GLRA2: variants seen among roughly 807,000 people sequenced by gnomAD.
The protein encoded by GLRA2 is glycine receptor alpha 2.
Under a neutral mutation model 31.6 loss-of-function variants are expected in GLRA2, and 11 were observed. The ratio of observed to expected loss-of-function variants is 0.35; its 90% CI spans 0.22 to 0.58. The LOEUF (loss-of-function observed/expected upper bound fraction) is 0.58, where lower values mean the gene tolerates loss of function less well. Among genes scored for constraint, GLRA2 ranks in the 20% least tolerant of loss-of-function variants. The pLI is 0.84. For missense variants in GLRA2, 212 were observed against 351.8 expected (o/e 0.60, Z 3.18); for synonymous variants, 132 against 134.0 (o/e 0.99, Z 0.10).
chrX:14,696,693 C>CTGA (rs1159011319), intron 8 of GLRA2, among the ~76,000 whole-genome samples: 1 of 111,749 alleles, frequency 8.9e-6, no homozygotes, highest in Non-Finnish European at 1.9e-5. Flanking sequence ...GCTTCAGAGA[C>CTGA]GCCAAAGGAT....
At chrX:14,702,586 TATC>T (rs772815866) in intron 8 of GLRA2, among the ~76,000 whole-genome samples, 1 of 111,768 alleles carries the variant, frequency 8.9e-6, no homozygotes, top group African/African-American at 3.3e-5. Context: ...ACAGGTGTCT[TATC>T]ATTGCTGTAA....
intron 8 of GLRA2, among the ~76,000 whole-genome samples, chrX:14,693,217 T>C (rs184685905): frequency 9.0e-6 from 1 of 111,720 alleles, no homozygotes; most frequent in East Asian, 2.8e-4. Flanking sequence ...AACTCAACTT[T>C]AGTCAGCCTC....
At chrX:14,682,502 T>G (rs899839390) in intron 7 of GLRA2, among the ~76,000 whole-genome samples, 1 of 111,575 alleles carries the variant, frequency 9.0e-6, no homozygotes, top group Non-Finnish European at 1.9e-5. Flanking sequence ...GGCCAAATAA[T>G]TGCAAACATT....
At chrX:14,629,420 T>C (rs1405864014) in intron 7 of GLRA2, among the ~76,000 whole-genome samples, 2 of 111,569 alleles carry the variant, frequency 1.8e-5, no homozygotes, top group Non-Finnish European at 3.8e-5. Context: ...GTAGTGCCCA[T>C]CTGAACCAGA....
At chrX:14,709,693 G>A (rs1269351151) in intron 8 of GLRA2, among the ~76,000 whole-genome samples, 1 of 111,971 alleles carries the variant, frequency 8.9e-6, no homozygotes, top group African/African-American at 3.2e-5. Flanking sequence ...ATGGAGCATA[G>A]ACTGTGTTTC....
chrX:14,647,290 A>G (rs368771482), intron 7 of GLRA2, among the ~76,000 whole-genome samples: 8 of 112,355 alleles, frequency 7.1e-5, no homozygotes, highest in African/African-American at 2.3e-4. Flanking sequence ...ACTGATTTCA[A>G]TCATGCTTAT....
chrX:14,698,681 CAAAAAAAAAAAAA>C (rs749925474), intron 8 of GLRA2, among the ~76,000 whole-genome samples: 1 of 21,125 alleles, frequency 4.7e-5, no homozygotes, highest in East Asian at 2.7e-3. Flanking sequence ...CTATCTATCT[CAAAAAAAAAAAAA>C]AAAAAAAAAA....
Position 14,653,143 on chromosome X carries a change from A to AT in GLRA2, c.931-37558dup, listed in dbSNP as rs913916857. Among the ~76,000 whole-genome samples, 29 of 109,630 alleles carry AT rather than the reference A, an allele frequency of 2.6e-4. No homozygotes were observed. The South Asian group carries it at 3.9e-3, about 15-fold the overall frequency. On this transcript the variant is annotated intron_variant, in intron 7 of 8. Coordinates refer to ENST00000218075, the MANE Select transcript of GLRA2 (RefSeq NM_002063.4). ...TATGGAGAGGTACAAGTAGATTAAC[A>AT]TTTTTTTTTAATGCCTGCTAATACA...
At chrX:14,489,516 T>C in the GLRA2 span, among the ~76,000 whole-genome samples, 1 of 111,436 alleles carries the variant, frequency 9.0e-6, no homozygotes, top group Admixed American at 9.4e-5. Context: ...GAGGTAAGAG[T>C]TTATGCTTTC....
the GLRA2 span, among the ~76,000 whole-genome samples, chrX:14,487,387 T>TA: frequency 0.18 from 5,143 of 27,837 alleles, 511 homozygotes; most frequent in Non-Finnish European, 0.21. Flanking sequence ...TGGTTTTCTG[T>TA]AAAAAAAAAA....
At chrX:14,611,142 C>A (rs760671746) in intron 7 of GLRA2, among the ~76,000 whole-genome samples, 34 of 112,290 alleles carry the variant, frequency 3.0e-4, no homozygotes, top group Non-Finnish European at 5.5e-4. Flanking sequence ...AAAAGTGAGT[C>A]ATGGAAAATG....
At chrX:14,619,566 ACTACCTTCT>A (rs3050552) in intron 7 of GLRA2, among the ~76,000 whole-genome samples, 18,967 of 109,479 alleles carry the variant, frequency 0.17, 1,567 homozygotes, top group Non-Finnish European at 0.24. Context: ...TAGCCACTTG[ACTACCTTCT>A]CTACCTTCTC....
chrX:14,530,828 C>T, intron 1 of GLRA2: 1 of 291,194 alleles, frequency 3.4e-6, no homozygotes, highest in Non-Finnish European at 4.9e-6. Flanking sequence ...ATTGATACCT[C>T]AAAATATCAA....
chrX:14,615,037 C>T (rs2090440446), intron 7 of GLRA2, among the ~76,000 whole-genome samples: 1 of 111,915 alleles, frequency 8.9e-6, no homozygotes, highest in African/African-American at 3.2e-5. Context: ...TGCAGCGTCT[C>T]CCTTTAGTGT....
intron 8 of GLRA2, among the ~76,000 whole-genome samples, chrX:14,714,322 A>G (rs2091753631): frequency 9.0e-6 from 1 of 111,179 alleles, no homozygotes. Context: ...ACTGGCATCT[A>G]GTGGGTAAAG....
chrX:14,714,133 C>A (rs1268512936), intron 8 of GLRA2, among the ~76,000 whole-genome samples: 1 of 110,666 alleles, frequency 9.0e-6, no homozygotes, highest in African/African-American at 3.3e-5. Context: ...TTTCCTGATA[C>A]TAGATATATT....
At chrX:14,648,498 C>T (rs970017665) in intron 7 of GLRA2, among the ~76,000 whole-genome samples, 3 of 111,654 alleles carry the variant, frequency 2.7e-5, no homozygotes, top group Non-Finnish European at 5.6e-5. Context: ...AAAACACAAA[C>T]CATTAAAAAA....
chrX:14,601,697 G>A (rs1315728995), intron 4 of GLRA2, among the ~76,000 whole-genome samples: 2 of 111,396 alleles, frequency 1.8e-5, no homozygotes, highest in Non-Finnish European at 1.9e-5. Context: ...TGGATTCTTT[G>A]TCTAATCTGA....
intron 7 of GLRA2, among the ~76,000 whole-genome samples, chrX:14,634,161 C>T (rs777249253): frequency 1.8e-5 from 2 of 111,184 alleles, no homozygotes; most frequent in South Asian, 3.8e-4. Context: ...GTTGGCCAGG[C>T]TGGTCTCAAA....
Sources: gnomAD v4.1 joint callset for allele counts (sites outside exome capture counted in the v4.1 genomes callset) on GRCh38, gnomAD v4.1.1 for gene constraint, MANE v1.5 for transcripts, NCBI Gene and HGNC (gene_info 2026-07-23, HGNC 2026-07-21) for gene names.